The following DOK5 variants were observed in gnomAD, a reference collection of about 807,000 sequenced individuals.
DOK5 encodes docking protein 5, also known as downstream of tyrosine kinase 5.
A neutral mutation model predicts 43.3 loss-of-function variants in DOK5; 27 were observed. The ratio of observed to expected loss-of-function variants is 0.62; its 90% CI spans 0.46 to 0.86. The LOEUF (loss-of-function observed/expected upper bound fraction) is 0.86, where lower values mean the gene tolerates loss of function less well. DOK5 is among the 40% of genes least tolerant of loss of function. The pLI is 0.00. For missense variants in DOK5, 373 were observed against 392.9 expected (o/e 0.95, Z 0.43); for synonymous variants, 146 against 140.1 (o/e 1.04, Z -0.30).
chr20:54,521,962 T>C (rs1352241602), intron 1 of DOK5, among the ~76,000 whole-genome samples: 1 of 152,246 alleles, frequency 6.6e-6, no homozygotes, highest in African/African-American at 2.4e-5. Context: ...TACATGTTTC[T>C]TGTTATATCA....
At chr20:54,631,769 C>T (rs1368438007) in intron 6 of DOK5, among the ~76,000 whole-genome samples, 3 of 152,030 alleles carry the variant, frequency 2.0e-5, no homozygotes, top group Middle Eastern at 3.2e-3. Context: ...GTCAAGAGAT[C>T]GAGACCATCC....
At position 54,508,443 on chromosome 20, in the gene DOK5, C is replaced by T. The variant is rs181063044; in HGVS notation, c.66+32431C>T. ...GATATAATGATGCTTGTCACACATA[C>T]GAGATGGCAGGAGCTTATATCTGGA... On this transcript the variant is annotated intron_variant, in intron 1 of 7. Transcript: ENST00000262593. Among the ~76,000 whole-genome samples, 14 of 150,150 alleles carry T rather than the reference C, an allele frequency of 9.3e-5. No individual in the cohort carries two copies. In the East Asian group the frequency reaches 9.7e-4, roughly 10 times the overall value.
intron 2 of DOK5, among the ~76,000 whole-genome samples, chr20:54,563,666 T>A: frequency 8.3e-6 from 1 of 120,474 alleles, no homozygotes; most frequent in Admixed American, 7.4e-5. Flanking sequence ...TTTGTCAGGT[T>A]TTTTTTTTTT....
chr20:54,646,272 T>TG (rs1979423165), intron 7 of DOK5, among the ~76,000 whole-genome samples: 3 of 114,522 alleles, frequency 2.6e-5, no homozygotes, highest in African/African-American at 4.2e-5. Flanking sequence ...TTTTTTTTTT[T>TG]GAGACAGGGT....
At chr20:54,616,687 C>G (rs1437051475) in intron 6 of DOK5, among the ~76,000 whole-genome samples, 1 of 151,996 alleles carries the variant, frequency 6.6e-6, no homozygotes. Context: ...ACCTTCCTCT[C>G]CAGTTTTTCA....
At chr20:54,570,939 A>G (rs889195598) in intron 2 of DOK5, among the ~76,000 whole-genome samples, 2 of 152,246 alleles carry the variant, frequency 1.3e-5, no homozygotes, top group African/African-American at 4.8e-5. Context: ...AAGTATGACC[A>G]CTTTGTTAAT....
At chr20:54,644,206 C>T (rs914840423) in intron 7 of DOK5, among the ~76,000 whole-genome samples, 1 of 152,244 alleles carries the variant, frequency 6.6e-6, no homozygotes, top group Non-Finnish European at 1.5e-5. Flanking sequence ...GTAAGCTCTT[C>T]TTCTAGAGAA....
At chr20:54,517,735 G>A (rs1983248273) in intron 1 of DOK5, among the ~76,000 whole-genome samples, 1 of 152,092 alleles carries the variant, frequency 6.6e-6, no homozygotes, top group South Asian at 2.1e-4. Flanking sequence ...ATTAGGAGAT[G>A]GGGCCTTTGG....
intron 7 of DOK5, among the ~76,000 whole-genome samples, chr20:54,646,011 A>G (rs926491208): frequency 6.6e-6 from 1 of 150,952 alleles, no homozygotes; most frequent in Non-Finnish European, 1.5e-5. Flanking sequence ...ATAATTGACA[A>G]ATAAGCTTAC....
intron 1 of DOK5, among the ~76,000 whole-genome samples, chr20:54,484,972 C>T (rs983379465): frequency 2.0e-5 from 3 of 152,212 alleles, no homozygotes; most frequent in African/African-American, 7.2e-5. Flanking sequence ...GAACTCTGAT[C>T]ATACTACTAT....
intron 1 of DOK5, among the ~76,000 whole-genome samples, chr20:54,485,395 A>G (rs989066624): frequency 6.6e-6 from 1 of 151,956 alleles, no homozygotes; most frequent in Non-Finnish European, 1.5e-5. Context: ...AGAACCATAC[A>G]GTATGTAATG....
chr20:54,556,173 G>A (rs760071860), intron 2 of DOK5, among the ~76,000 whole-genome samples: 1 of 152,110 alleles, frequency 6.6e-6, no homozygotes, highest in African/African-American at 2.4e-5. Flanking sequence ...GTCAAGGGTG[G>A]CGTCTTCCAT....
At chr20:54,537,328 A>G (rs1167029334) in intron 1 of DOK5, among the ~76,000 whole-genome samples, 1 of 152,216 alleles carries the variant, frequency 6.6e-6, no homozygotes, top group African/African-American at 2.4e-5. Flanking sequence ...AGGTTTCAAT[A>G]AAAAGTACTT....
At chr20:54,513,462 CAAAAAAAAA>C (rs1011871917) in intron 1 of DOK5, among the ~76,000 whole-genome samples, 1 of 24,624 alleles carries the variant, frequency 4.1e-5, no homozygotes, top group Non-Finnish European at 9.9e-5. Flanking sequence ...ATACTCTGAG[CAAAAAAAAA>C]AAAAAAAAAA....
At chr20:54,550,811 A>G (rs1047064007) in intron 1 of DOK5, among the ~76,000 whole-genome samples, 2 of 152,212 alleles carry the variant, frequency 1.3e-5, no homozygotes, top group African/African-American at 4.8e-5. Flanking sequence ...GGATTTCCAC[A>G]TTATGAGGCT....
At chr20:54,595,801 T>C (rs950664739) in intron 5 of DOK5, among the ~76,000 whole-genome samples, 1 of 152,176 alleles carries the variant, frequency 6.6e-6, no homozygotes, top group African/African-American at 2.4e-5. Flanking sequence ...CTCAAACAGC[T>C]TGGTGTAGTA....
chr20:54,491,260 G>A (rs1441348362), intron 1 of DOK5, among the ~76,000 whole-genome samples: 1 of 152,216 alleles, frequency 6.6e-6, no homozygotes, highest in African/African-American at 2.4e-5. Context: ...GGCTAGAATA[G>A]TATCTGAGCA....
At chr20:54,523,252 T>C (rs80305581) in intron 1 of DOK5, among the ~76,000 whole-genome samples, 3,622 of 152,244 alleles carry the variant, frequency 0.024, 145 homozygotes, top group African/African-American at 0.082. Context: ...AATAGAAATA[T>C]TACAACTATT....
intron 6 of DOK5, 135 bp downstream of exon 6, chr20:54,610,658 G>T: frequency 9.6e-7 from 1 of 1,046,564 alleles, no homozygotes; most frequent in Non-Finnish European, 1.2e-6. Context: ...TGTATCACTT[G>T]GATTAAATGG....
Sources: allele counts gnomAD v4.1 joint callset (sites outside exome capture counted in the v4.1 genomes callset), GRCh38; gene constraint gnomAD v4.1.1; transcripts MANE v1.5; gene names NCBI Gene and HGNC (gene_info 2026-07-23, HGNC 2026-07-21).